The following NLRP13 variants were observed in gnomAD, a reference collection of about 807,000 sequenced individuals.
NLRP13 encodes the protein NACHT, LRR and PYD domains-containing protein 13.
Under a neutral mutation model 94.4 loss-of-function variants are expected in NLRP13, and 82 were observed. The observed-to-expected ratio is 0.87, with a 90% CI of 0.73 to 1.04. The LOEUF is 1.04. NLRP13 is among the 50% of genes least tolerant of loss of function. The pLI is 0.00. For synonymous variants in NLRP13, 553 were observed against 464.7 expected (o/e 1.19, Z -2.45); for missense variants, 1,426 against 1,230.8 (o/e 1.16, Z -2.37).
intron 4 of NLRP13, 139 bp downstream of exon 4, chr19:55,923,775 C>T: frequency 1.5e-6 from 1 of 657,688 alleles, no homozygotes; most frequent in East Asian, 2.7e-5. Flanking sequence ...ACTGGAAGAA[C>T]CAGTTGGGAA....
chr19:55,909,271 A>T (rs539118651), intron 6 of NLRP13, among the ~76,000 whole-genome samples: 1 of 152,322 alleles, frequency 6.6e-6, no homozygotes, highest in African/African-American at 2.4e-5. Context: ...AGACACTGTC[A>T]TTCATTCCTC....
chr19:55,930,686 CAAAAAAAA>C (rs9304769), intron 1 of NLRP13, among the ~76,000 whole-genome samples: 2 of 94,216 alleles, frequency 2.1e-5, no homozygotes, highest in South Asian at 3.8e-4. Flanking sequence ...AACTCCATCT[CAAAAAAAA>C]AAAAAAAAAA....
At chr19:55,919,845 T>C (rs1600274626) in intron 4 of NLRP13, among the ~76,000 whole-genome samples, 1 of 152,136 alleles carries the variant, frequency 6.6e-6, no homozygotes, top group African/African-American at 2.4e-5. Context: ...AAAATTCATA[T>C]GGAACCAAGA....
At chr19:55,918,541 A>C (rs1468820810) in intron 4 of NLRP13, among the ~76,000 whole-genome samples, 10 of 152,038 alleles carry the variant, frequency 6.6e-5, no homozygotes, top group African/African-American at 2.4e-4. Context: ...TGAAAAAGGA[A>C]ACATTACAAC....
At chr19:55,920,005 G>C (rs1351725942) in intron 4 of NLRP13, among the ~76,000 whole-genome samples, 2 of 152,050 alleles carry the variant, frequency 1.3e-5, no homozygotes, top group South Asian at 2.1e-4. Context: ...TAACAGAATA[G>C]AGAGGCCAGA....
In NLRP13 at chr19:55,911,592, G is replaced by A. The variant is rs115305968; in HGVS notation, c.2111+114C>T. ...TAGAGCTGCTCCAGACCATTTGGTC[G>A]GAAATAAGCACGAATACATAACGAC... On this transcript the variant is annotated intron_variant, in intron 5 of 10. Coordinates refer to ENST00000342929, the MANE Select transcript of NLRP13 (RefSeq NM_176810.2). The A allele has an allele frequency of 9.7e-4, 979 of 1,013,362 alleles. 3 individuals carry two copies. Among genetic ancestry groups the A allele is most frequent in the African/African-American group, 9.1e-3 (558 of 61,232 alleles). The allele number at this position is 1,013,362 out of a possible 1,614,324, so 62.8% of individuals were successfully genotyped here.
chr19:55,921,129 A>AGG (rs1986813999), intron 4 of NLRP13, among the ~76,000 whole-genome samples: 1 of 152,144 alleles, frequency 6.6e-6, no homozygotes, highest in African/African-American at 2.4e-5. Flanking sequence ...GAAAGGTAGG[A>AGG]GGGGGTTGAG....
intron 10 of NLRP13, among the ~76,000 whole-genome samples, chr19:55,898,341 C>A (rs1986072780): frequency 6.6e-6 from 1 of 151,912 alleles, no homozygotes; most frequent in African/African-American, 2.4e-5. Context: ...TCCTGAGTAG[C>A]TGGGACTACA....
At chr19:55,931,961 G>A (rs202118069) in intron 1 of NLRP13, 32 bp downstream of exon 1, 2 of 1,602,846 alleles carry the variant, frequency 1.2e-6, no homozygotes, top group Non-Finnish European at 1.7e-6. Context: ...GTACCAAGCA[G>A]CCCTCCCGCC....
chr19:55,905,467 A>G (rs1986316808), intron 7 of NLRP13, among the ~76,000 whole-genome samples: 1 of 118,830 alleles, frequency 8.4e-6, no homozygotes. Flanking sequence ...ATATACACAC[A>G]TATATACATA....
intron 1 of NLRP13, among the ~76,000 whole-genome samples, chr19:55,930,870 G>A (rs1009798564): frequency 2.4e-4 from 7 of 28,844 alleles, no homozygotes; most frequent in African/African-American, 1.9e-3. Context: ...GATAGAATCA[G>A]TGATTATATA....
At chr19:55,901,420 G>C (rs8108610) in intron 9 of NLRP13, among the ~76,000 whole-genome samples, 2 of 152,268 alleles carry the variant, frequency 1.3e-5, no homozygotes, top group East Asian at 3.9e-4. Context: ...GGGAGAGTAA[G>C]GGAGAGAGGG....
chr19:55,922,324 GTTTT>G lies in NLRP13; in HGVS notation c.523+1586_523+1589del, dbSNP rs1376630743. On this transcript the variant is annotated intron_variant, in intron 4 of 10. Coordinates refer to ENST00000342929, the MANE Select transcript of NLRP13 (RefSeq NM_176810.2). ...GGTTTTTTTTTTATTGTTGTTTTTT[GTTTT>G]TTTGTTTGTTTGTTTTTTCAGATGG... Among the ~76,000 whole-genome samples the G allele has an allele frequency of 2.0e-5, 3 of 151,610 alleles. No homozygotes were observed. In the South Asian group the frequency reaches 6.3e-4, roughly 32 times the overall value.
chr19:55,921,118 G>A (rs1032056356), intron 4 of NLRP13, among the ~76,000 whole-genome samples: 2 of 152,118 alleles, frequency 1.3e-5, no homozygotes, highest in African/African-American at 4.8e-5. Flanking sequence ...TCAGAAGGGT[G>A]GAAAGGTAGG....
rs141468168 is a variant in NLRP13 at position 55,920,144 on chromosome 19, T to C, written c.523+3770A>G. 6.2e-3 allele frequency among the ~76,000 whole-genome samples: 942 copies of C among 152,254 alleles called. 11 individuals carry two copies. Among genetic ancestry groups the C allele is most frequent in the African/African-American group, 0.021 (856 of 41,552 alleles). ...CTAGCCATATGTAGAAGAATAAAACTGGACCATATCTCTCACTATATTCAA... is the reference window on the plus strand; with the variant it reads ...CTAGCCATATGTAGAAGAATAAAACCGGACCATATCTCTCACTATATTCAA... On this transcript the variant is annotated intron_variant, in intron 4 of 10. Coordinates refer to ENST00000342929, the MANE Select transcript of NLRP13 (RefSeq NM_176810.2).
intron 4 of NLRP13, among the ~76,000 whole-genome samples, chr19:55,922,992 C>T (rs1377922989): frequency 6.6e-6 from 1 of 152,198 alleles, no homozygotes; most frequent in Non-Finnish European, 1.5e-5. Flanking sequence ...GCATTACAAG[C>T]TCTATGTCCC....
Position 55,923,904 on chromosome 19 carries a change from G to A in NLRP13, c.523+10C>T. ...ACCTGTCCATTATCAACATAAAGTA[G>A]TATACACACCTGCTTCCTCTAGCAT... On this transcript the variant is annotated intron_variant, in intron 4 of 10. Transcript: ENST00000342929. The A allele has an allele frequency of 6.2e-7, 1 of 1,607,904 alleles. No homozygotes were observed. Among genetic ancestry groups the A allele is most frequent in the South Asian group, 1.1e-5 (1 of 90,966 alleles).
At chr19:55,892,084 T>G (rs1486541241), downstream of NLRP13, 4 of 1,230,830 alleles carry the variant, frequency 3.2e-6, no homozygotes, top group East Asian at 6.3e-5. Context: ...GAGGTCTGTA[T>G]CTCCTCTCTC....
chr19:55,931,718 A>AGAAAGAAAGAAAG, intron 1 of NLRP13, among the ~76,000 whole-genome samples: 1 of 96,060 alleles, frequency 1.0e-5, no homozygotes, highest in African/African-American at 4.1e-5. Context: ...TCAAAAAAAA[A>AGAAAGAAAGAAAG]AAAAAAAGAA....
Sources: gnomAD v4.1 joint callset for allele counts (sites outside exome capture counted in the v4.1 genomes callset) on GRCh38, gnomAD v4.1.1 for gene constraint, MANE v1.5 for transcripts, NCBI Gene and HGNC (gene_info 2026-07-23, HGNC 2026-07-21) for gene names.